The following ALG9 variants were observed in gnomAD, a reference collection of about 807,000 sequenced individuals.
ALG9 encodes alpha-1,2-mannosyltransferase ALG9.
In ALG9, 55 loss-of-function variants were observed where a neutral mutation model predicts 81.8. The observed-to-expected ratio is 0.67, with a 90% CI of 0.54 to 0.84. ALG9 has a LOEUF of 0.84. Among genes scored for constraint, ALG9 ranks in the 40% least tolerant of loss-of-function variants. ALG9 has a pLI of 0.00. For missense variants in ALG9, 629 were observed against 745.0 expected, an observed-to-expected ratio of 0.84 and a Z score of 1.81; for synonymous variants, 278 against 274.3, an observed-to-expected ratio of 1.01 and a Z score of -0.13.
downstream of ALG9, among the ~76,000 whole-genome samples, chr11:111,781,874 G>C (rs1945962181): frequency 6.6e-6 from 1 of 152,172 alleles, no homozygotes; most frequent in African/African-American, 2.4e-5. Flanking sequence ...TCGAACTCCT[G>C]ACCTCAAATG....
chr11:111,798,032 G>C (rs1433808905), intron 14 of ALG9: 1 of 160,616 alleles, frequency 6.2e-6, no homozygotes, highest in Non-Finnish European at 1.4e-5. Flanking sequence ...GTGAAACCCT[G>C]TCTCTACAAA....
chr11:111,847,340 G>A (rs1449257875), intron 8 of ALG9, among the ~76,000 whole-genome samples: 45 of 152,196 alleles, frequency 3.0e-4, no homozygotes, highest in Admixed American at 2.6e-3. Context: ...TGCGGGTATC[G>A]TCTGAAACTT....
rs1946399203 is a variant in ALG9 at position 111,785,780 on chromosome 11, A to G, written c.*617T>C. On this transcript the variant is annotated 3_prime_UTR_variant, in exon 15 of 15. Transcript: ENST00000616540. Reference sequence around the variant, plus strand: ...AATAAAATTAGGTCACAGTTCCTCAAATGGTCACCTTTTTCCTGAGATAGC... The same window carrying G: ...AATAAAATTAGGTCACAGTTCCTCAGATGGTCACCTTTTTCCTGAGATAGC... 4.1e-6 allele frequency: 1 copy of G among 241,836 alleles called. No individual in the cohort carries two copies. The highest frequency in any genetic ancestry group is 2.3e-5 in the African/African-American group (1 of 44,006). The allele number at this position is 241,836 out of a possible 1,614,324, so 15.0% of individuals were successfully genotyped here.
downstream of ALG9, among the ~76,000 whole-genome samples, chr11:111,779,370 C>T (rs562419427): frequency 6.6e-5 from 10 of 152,130 alleles, no homozygotes; most frequent in East Asian, 1.4e-3. Flanking sequence ...TCTTGTAAGG[C>T]GAGTATGCCT....
intron 14 of ALG9, among the ~76,000 whole-genome samples, chr11:111,793,193 A>G (rs147335520): frequency 2.5e-3 from 385 of 152,062 alleles, no homozygotes; most frequent in African/African-American, 8.7e-3. Context: ...TGTTGCCCAG[A>G]CTAGTCTCAA....
the ALG9 span, among the ~76,000 whole-genome samples, chr11:111,774,549 T>G: frequency 6.6e-6 from 1 of 152,226 alleles, no homozygotes; most frequent in Non-Finnish European, 1.5e-5. Context: ...ACAGGGTGCC[T>G]GGGGAACAGA....
chr11:111,811,698 C>T (rs1317102214), intron 13 of ALG9, among the ~76,000 whole-genome samples: 4 of 152,110 alleles, frequency 2.6e-5, no homozygotes, highest in African/African-American at 9.6e-5. Flanking sequence ...CAGCCTATGC[C>T]ACAGATAAAC....
chr11:111,791,764 G>A (rs536578901), intron 14 of ALG9, among the ~76,000 whole-genome samples: 13 of 152,320 alleles, frequency 8.5e-5, no homozygotes, highest in African/African-American at 3.1e-4. Flanking sequence ...TCTCATGACT[G>A]AGTCCATCTC....
At chr11:111,821,972 AG>A (rs1555104258) in intron 13 of ALG9, among the ~76,000 whole-genome samples, 1 of 152,172 alleles carries the variant, frequency 6.6e-6, no homozygotes, top group Non-Finnish European at 1.5e-5. Context: ...TGACATTCAG[AG>A]CACTGGGCAG....
chr11:111,790,158 C>G (rs782157978), intron 14 of ALG9, among the ~76,000 whole-genome samples: 1 of 152,046 alleles, frequency 6.6e-6, no homozygotes, highest in Non-Finnish European at 1.5e-5. Context: ...ATGGTGAAAC[C>G]CTGTCTCTAC....
the ALG9 span, among the ~76,000 whole-genome samples, chr11:111,770,430 A>C: frequency 6.6e-6 from 1 of 152,236 alleles, no homozygotes; most frequent in Admixed American, 6.5e-5. Context: ...CAAATGACTT[A>C]TCAATAAGCA....
chr11:111,823,760 T>C (rs1489129243), intron 13 of ALG9, among the ~76,000 whole-genome samples: 1 of 152,190 alleles, frequency 6.6e-6, no homozygotes, highest in Admixed American at 6.5e-5. Context: ...TGAAGTTAGG[T>C]GATGGTAAAT....
At chr11:111,856,276 CAAAAAAA>C (rs1175162630) in intron 6 of ALG9, among the ~76,000 whole-genome samples, 2 of 38,586 alleles carry the variant, frequency 5.2e-5, no homozygotes, top group Admixed American at 5.2e-4. Context: ...GACTCCATCT[CAAAAAAA>C]AAAAAAAAAA....
the ALG9 span, among the ~76,000 whole-genome samples, chr11:111,776,867 G>A: frequency 1.3e-5 from 2 of 152,172 alleles, no homozygotes; most frequent in Non-Finnish European, 2.9e-5. Flanking sequence ...GCCTAGGCAT[G>A]GGGAGTAAAG....
intron 3 of ALG9, among the ~76,000 whole-genome samples, chr11:111,866,880 G>A (rs541228634): frequency 6.6e-6 from 1 of 151,962 alleles, no homozygotes; most frequent in East Asian, 1.9e-4. Flanking sequence ...ATCACTTGAG[G>A]TCAGGAGTTT....
rs1345237024 is a variant in ALG9 at position 111,860,420 on chromosome 11, A to T, written c.565+127T>A. 5.0e-6 allele frequency: 4 copies of T among 806,464 alleles called. No individual in the cohort carries two copies. The African/African-American group carries it at 6.7e-5, about 14-fold the overall frequency. 50.0% of individuals were successfully genotyped at this position (806,464 alleles called of 1,614,324 possible). A position where few individuals can be genotyped will look rare whatever the true frequency, so the allele number is the denominator to read the frequency against. On this transcript the variant is annotated intron_variant, in intron 5 of 14. Transcript: ENST00000616540. ...ATTATTGACATGTTCTACAAATATA[A>T]CCTACATTTGGACAAATGCTTCCTT...
intron 14 of ALG9, among the ~76,000 whole-genome samples, chr11:111,786,802 A>G (rs1946536790): frequency 1.3e-5 from 2 of 152,194 alleles, no homozygotes; most frequent in South Asian, 4.1e-4. Context: ...TGCCATAGAA[A>G]AATTCCAGGT....
Position 111,786,297 on chromosome 11 carries a change from A to G in ALG9, c.*100T>C, listed in dbSNP as rs1555063480. ...CAGATTCCAGTATTCATGTCAGAAG[A>G]CCTTTATTACAAATGTTACAGGCGA... On this transcript the variant is annotated 3_prime_UTR_variant, in exon 15 of 15. Coordinates refer to ENST00000616540, the MANE Select transcript of ALG9 (RefSeq NM_024740.2). The G allele has an allele frequency of 3.8e-6, 6 of 1,559,622 alleles. No individual in the cohort carries two copies. In the East Asian group the frequency reaches 1.1e-4, roughly 30 times the overall value.
chr11:111,817,783 T>TC (rs1951731999), intron 13 of ALG9, among the ~76,000 whole-genome samples: 1 of 151,212 alleles, frequency 6.6e-6, no homozygotes, highest in African/African-American at 2.4e-5. Flanking sequence ...ATTTCTTTTT[T>TC]TTTTTTTTTT....
Sources: gnomAD v4.1 joint callset for allele counts (sites outside exome capture counted in the v4.1 genomes callset) on GRCh38, gnomAD v4.1.1 for gene constraint, MANE v1.5 for transcripts, NCBI Gene and HGNC (gene_info 2026-07-23, HGNC 2026-07-21) for gene names.